Variants in PTBP2 observed in about 807,000 individuals in gnomAD.
The protein encoded by PTBP2 is polypyrimidine tract-binding protein 2.
Under a neutral mutation model 61.4 loss-of-function variants are expected in PTBP2, and 13 were observed. The ratio of observed to expected loss-of-function variants is 0.21; its 90% CI spans 0.14 to 0.34. The LOEUF is 0.34. PTBP2 is among the 10% of genes least tolerant of loss of function. The pLI is 1.00. For missense variants in PTBP2, 405 were observed against 642.6 expected, an observed-to-expected ratio of 0.63 and a Z score of 4.00; for synonymous variants, 215 against 218.5, an observed-to-expected ratio of 0.98 and a Z score of 0.14.
chr1:96,730,666 G>T (rs1248425775), intron 2 of PTBP2, among the ~76,000 whole-genome samples: 1 of 152,192 alleles, frequency 6.6e-6, no homozygotes, highest in Non-Finnish European at 1.5e-5. Context: ...CAGATTTGGA[G>T]AAATCTCTGT....
In PTBP2 at chr1:96,806,786, T is replaced by C. The variant is rs868488249; in HGVS notation, c.1079-80T>C. ...TTGATGTCTGAATGTTTCATTGATA[T>C]GTCAGAAAGATAATCTTTAGGTGAC... On this transcript the variant is annotated intron_variant, in intron 10 of 13. Coordinates refer to ENST00000674951, the MANE Select transcript of PTBP2 (RefSeq NM_021190.4). 9.0e-5 allele frequency: 89 copies of C among 990,668 alleles called. 1 individual carries two copies. The Middle Eastern group carries it at 7.0e-3, about 78-fold the overall frequency. 61.4% of individuals were successfully genotyped at this position (990,668 alleles called of 1,614,324 possible). A position where few individuals can be genotyped will look rare whatever the true frequency, so the allele number is the denominator to read the frequency against.
chr1:96,746,801 ACTT>A (rs1470429125), intron 2 of PTBP2, among the ~76,000 whole-genome samples: 32 of 136,896 alleles, frequency 2.3e-4, no homozygotes, highest in Non-Finnish European at 1.2e-4. Context: ...TTGCCTTGTC[ACTT>A]CTTTATGCTG....
intron 8 of PTBP2, among the ~76,000 whole-genome samples, chr1:96,802,123 A>G (rs1374433708): frequency 7.0e-6 from 1 of 143,086 alleles, no homozygotes; most frequent in Non-Finnish European, 1.5e-5. Flanking sequence ...AGGCAGGAGA[A>G]TGGCATGAAC....
At chr1:96,751,999 G>A (rs1406094061) in intron 3 of PTBP2, among the ~76,000 whole-genome samples, 2 of 151,728 alleles carry the variant, frequency 1.3e-5, no homozygotes. Context: ...CTTTTATGTT[G>A]TCTACCTGCA....
intron 8 of PTBP2, among the ~76,000 whole-genome samples, chr1:96,796,523 ACT>A (rs1402900395): frequency 2.0e-5 from 3 of 152,070 alleles, no homozygotes; most frequent in Non-Finnish European, 2.9e-5. Flanking sequence ...TAGACATAAG[ACT>A]CTACTAGATT....
At chr1:96,750,692 C>A (rs1285792557) in intron 2 of PTBP2, among the ~76,000 whole-genome samples, 1 of 151,944 alleles carries the variant, frequency 6.6e-6, no homozygotes, top group Non-Finnish European at 1.5e-5. Context: ...ATTTTCAATA[C>A]TAATATCCAT....
chr1:96,812,285 C>G (rs570695043), intron 11 of PTBP2, among the ~76,000 whole-genome samples: 1 of 151,928 alleles, frequency 6.6e-6, no homozygotes, highest in South Asian at 2.1e-4. Flanking sequence ...ACTGAGTTAT[C>G]CAGATAAAAA....
chr1:96,760,846 T>A (rs1364261716), intron 3 of PTBP2, among the ~76,000 whole-genome samples: 1 of 152,220 alleles, frequency 6.6e-6, no homozygotes, highest in Admixed American at 6.5e-5. Context: ...GCTGTAAAAC[T>A]TGTATGTGTA....
chr1:96,759,423 T>A (rs1425703648), intron 3 of PTBP2, among the ~76,000 whole-genome samples: 7 of 152,232 alleles, frequency 4.6e-5, no homozygotes, highest in Admixed American at 4.6e-4. Flanking sequence ...GAATAACTCA[T>A]GCATTAAAGT....
intron 11 of PTBP2, among the ~76,000 whole-genome samples, chr1:96,810,460 T>A (rs1661966115): frequency 6.6e-6 from 1 of 152,176 alleles, no homozygotes; most frequent in South Asian, 2.1e-4. Context: ...TCACTTCAGA[T>A]CCTATTGTCA....
intron 11 of PTBP2, among the ~76,000 whole-genome samples, chr1:96,812,300 T>A (rs1432529892): frequency 6.6e-6 from 1 of 152,118 alleles, no homozygotes; most frequent in African/African-American, 2.4e-5. Context: ...TAAAAAATAA[T>A]GTCAGCGAGA....
chr1:96,765,050 T>G (rs899586257), intron 3 of PTBP2, among the ~76,000 whole-genome samples: 1 of 152,226 alleles, frequency 6.6e-6, no homozygotes, highest in Non-Finnish European at 1.5e-5. Flanking sequence ...TTTTTCTCTT[T>G]AACTCTTCTT....
At chr1:96,727,030 G>A (rs1338031580) in intron 2 of PTBP2, among the ~76,000 whole-genome samples, 2 of 152,070 alleles carry the variant, frequency 1.3e-5, no homozygotes, top group African/African-American at 2.4e-5. Flanking sequence ...ACTCCCTACA[G>A]TATCATCTTG....
At chr1:96,723,988 G>T (rs1650016563) in intron 2 of PTBP2, among the ~76,000 whole-genome samples, 1 of 152,086 alleles carries the variant, frequency 6.6e-6, no homozygotes, top group Non-Finnish European at 1.5e-5. Context: ...TCATGAAAAT[G>T]AATATATTTT....
intron 8 of PTBP2, among the ~76,000 whole-genome samples, chr1:96,800,565 T>A (rs1162822531): frequency 1.3e-5 from 2 of 151,890 alleles, no homozygotes; most frequent in South Asian, 4.1e-4. Context: ...GATCTCAGTC[T>A]CTACTAAAAA....
intron 5 of PTBP2, 101 bp downstream of exon 5, chr1:96,770,952 T>C (rs1570885418): frequency 5.0e-6 from 5 of 991,862 alleles, no homozygotes; most frequent in East Asian, 5.1e-5. Flanking sequence ...ATGTTCCTTA[T>C]AGGCATTTTC....
At chr1:96,808,454 C>T (rs1249921860) in intron 11 of PTBP2, among the ~76,000 whole-genome samples, 4 of 151,972 alleles carry the variant, frequency 2.6e-5, no homozygotes, top group Non-Finnish European at 5.9e-5. Context: ...TTGTAAGGAT[C>T]CTAGTCCTGT....
At chr1:96,797,382 T>TA (rs1326561137) in intron 8 of PTBP2, among the ~76,000 whole-genome samples, 1 of 152,176 alleles carries the variant, frequency 6.6e-6, no homozygotes, top group Non-Finnish European at 1.5e-5. Flanking sequence ...GTGTAGTTGT[T>TA]AGTGGTAGAA....
chr1:96,818,890 A>C (rs1662578815), downstream of PTBP2: 1 of 152,060 alleles, frequency 6.6e-6, no homozygotes. Context: ...ACTTACCTGT[A>C]GTTAGAATCC....
Sources: allele counts gnomAD v4.1 joint callset (sites outside exome capture counted in the v4.1 genomes callset), GRCh38; gene constraint gnomAD v4.1.1; transcripts MANE v1.5; gene names NCBI Gene and HGNC (gene_info 2026-07-23, HGNC 2026-07-21).